The following ADCY9 variants were observed in gnomAD, a reference collection of about 807,000 sequenced individuals.
The protein encoded by ADCY9 is adenylate cyclase 9, also known as adenylate cyclase type 9.
A neutral mutation model predicts 101.5 loss-of-function variants in ADCY9; 50 were observed. The ratio of observed to expected loss-of-function variants is 0.49; its 90% CI spans 0.39 to 0.62. The LOEUF is 0.62. Ranked by LOEUF, ADCY9 falls within the 20% of genes least tolerant of loss-of-function variation. The pLI is 0.00. For missense variants in ADCY9, 1,662 were observed against 1,800.4 expected (o/e 0.92, Z 1.39); for synonymous variants, 905 against 769.3 (o/e 1.18, Z -2.92).
chr16:4,000,779 C>A (rs2056324172), intron 3 of ADCY9, among the ~76,000 whole-genome samples: 1 of 151,834 alleles, frequency 6.6e-6, no homozygotes, highest in Admixed American at 6.6e-5. Flanking sequence ...CGATCCGAGT[C>A]AAGAATAGAT....
intron 2 of ADCY9, among the ~76,000 whole-genome samples, chr16:4,024,608 C>CT (rs1315651465): frequency 6.6e-6 from 1 of 152,070 alleles, no homozygotes. Flanking sequence ...TGGCGAATGG[C>CT]TCCGGAGGTG....
rs773308825 is a variant in ADCY9, at chr16:4,115,212, C to A, written c.231G>T (p.Lys77Asn). 7.4e-6 allele frequency: 12 copies of A among 1,613,390 alleles called. No homozygotes were observed. Among genetic ancestry groups the A allele is most frequent in the South Asian group, 4.4e-5 (4 of 91,074 alleles). ...VGGGGRLRRQ[K>N]KLPQLFERAS... ...CCCTCTCGAACAGCTGGGGCAGCTT[C>A]TTCTGCCTGCGCAGCCGGCCTCCGC... Residue 77 changes from lysine (K) to asparagine (N), a missense_variant, in exon 2 of 11, where the codon AAG (lysine) becomes AAT (asparagine). Physicochemically the swap from Lys to Asn is moderately conservative, Grantham distance 94. Coordinates refer to ENST00000294016, the MANE Select transcript of ADCY9 (RefSeq NM_001116.4). This position sits in a 1 kb window ranked among gnomAD's most constrained non-coding sequence, Gnocchi z 6.2.
intron 3 of ADCY9, among the ~76,000 whole-genome samples, chr16:4,003,058 T>TA (rs772586099): frequency 5.3e-5 from 8 of 152,164 alleles, no homozygotes; most frequent in Non-Finnish European, 7.3e-5. Context: ...AAGCTGTTTT[T>TA]ATTGATATAT....
intron 2 of ADCY9, among the ~76,000 whole-genome samples, chr16:4,086,388 G>A (rs983356793): frequency 3.3e-5 from 5 of 152,040 alleles, no homozygotes; most frequent in African/African-American, 1.2e-4. Context: ...CCCATGTGAC[G>A]CATGTCAGCC....
In ADCY9 at chr16:4,116,082, G is replaced by T. The variant is rs1445586447; in HGVS notation, c.-436C>A. On this transcript the variant is annotated 5_prime_UTR_variant, in exon 1 of 11. Coordinates refer to ENST00000294016, the MANE Select transcript of ADCY9 (RefSeq NM_001116.4). ...GCCCTGCCCGCGGCGGCGGGCGCTGGGGGTGGGGGCGCCCCGGGCTGCGAG... is the reference window on the plus strand; with the variant it reads ...GCCCTGCCCGCGGCGGCGGGCGCTGTGGGTGGGGGCGCCCCGGGCTGCGAG... 4 of 145,762 alleles carry T rather than the reference G, an allele frequency of 2.7e-5. No homozygotes were observed. Among genetic ancestry groups the T allele is most frequent in the Non-Finnish European group, 6.1e-5 (4 of 65,606 alleles). 9.0% of individuals were successfully genotyped at this position (145,762 alleles called of 1,614,324 possible).
At chr16:4,106,810 G>T (rs2057080360) in intron 2 of ADCY9, among the ~76,000 whole-genome samples, 1 of 152,166 alleles carries the variant, frequency 6.6e-6, no homozygotes, top group Non-Finnish European at 1.5e-5. Flanking sequence ...CCACAGCAAA[G>T]TACATAGGCA....
chr16:3,983,573 G>C (rs1168160471), intron 6 of ADCY9, 133 bp from the exon 7 acceptor site: 2 of 739,160 alleles, frequency 2.7e-6, no homozygotes, highest in Non-Finnish European at 4.5e-6. Flanking sequence ...AAGGCTCTCG[G>C]AGGGCTGTCT....
At position 4,115,444 on chromosome 16, in the gene ADCY9, T is replaced by A. The variant is rs1189565021; in HGVS notation, c.-2A>T. The A allele has an allele frequency of 6.5e-7, 1 of 1,541,748 alleles. No homozygotes were observed. The highest frequency in any genetic ancestry group is 8.7e-7 in the Non-Finnish European group (1 of 1,143,152). On this transcript the variant is annotated 5_prime_UTR_variant, in exon 2 of 11. Coordinates refer to ENST00000294016, the MANE Select transcript of ADCY9 (RefSeq NM_001116.4). The surrounding 1 kb of genome is among the most constrained non-coding windows in gnomAD (Gnocchi z 6.2). ...CTGCTGGTGGGGTGGGGAAGCCATG[T>A]TGTCGAGTCCCGGGGCCTGCCCCGG...
chr16:4,068,941 G>T (rs2056816866), intron 2 of ADCY9, among the ~76,000 whole-genome samples: 1 of 151,944 alleles, frequency 6.6e-6, no homozygotes, highest in African/African-American at 2.4e-5. Context: ...CCACCTAATA[G>T]ATGTTCAAGT....
intron 2 of ADCY9, among the ~76,000 whole-genome samples, chr16:4,011,308 G>C (rs113474770): frequency 0.1 from 15,883 of 152,230 alleles, 916 homozygotes; most frequent in Non-Finnish European, 0.13. Context: ...CCAGGGCTGA[G>C]CCACAGCACC....
intron 2 of ADCY9, among the ~76,000 whole-genome samples, chr16:4,020,604 T>C (rs1310838212): frequency 6.6e-6 from 1 of 151,880 alleles, no homozygotes; most frequent in Non-Finnish European, 1.5e-5. Flanking sequence ...GGTGGATCAC[T>C]TGAGGCCAGG....
rs757900535 is a variant in ADCY9 at position 4,115,261 on chromosome 16, C to T, written c.182G>A (p.Gly61Glu). Residue 61 changes from glycine (G) to glutamate (E), a missense_variant, in exon 2 of 11, where the codon GGG (glycine) becomes GAG (glutamate). This residue lies in a region of ADCY9 where 422 missense variants were observed against 392.0 expected (regional missense o/e 1.08). Coordinates refer to ENST00000294016, the MANE Select transcript of ADCY9 (RefSeq NM_001116.4). The surrounding 1 kb of genome is among the most constrained non-coding windows in gnomAD (Gnocchi z 6.2). Reference protein sequence around the residue: ...SSSCSSSGDSGGVPRRVGGGG... With the variant: ...SSSCSSSGDSEGVPRRVGGGG... ...GCCGCCCACTCGCCGGGGGACGCCCCCGGAGTCCCCAGAGCTGCTGCAGCT... is the reference window on the plus strand; with the variant it reads ...GCCGCCCACTCGCCGGGGGACGCCCTCGGAGTCCCCAGAGCTGCTGCAGCT... 6.2e-7 allele frequency: 1 copy of T among 1,613,552 alleles called. No homozygotes were observed. Among genetic ancestry groups the T allele is most frequent in the Non-Finnish European group, 8.5e-7 (1 of 1,179,726 alleles).
At chr16:4,025,633 G>A (rs1370057662) in intron 2 of ADCY9, among the ~76,000 whole-genome samples, 1 of 152,232 alleles carries the variant, frequency 6.6e-6, no homozygotes, top group East Asian at 1.9e-4. Flanking sequence ...TGGCCCGGGG[G>A]TGTGGCAGGG....
At chr16:4,011,366 C>A (rs2056403246) in intron 2 of ADCY9, among the ~76,000 whole-genome samples, 1 of 152,086 alleles carries the variant, frequency 6.6e-6, no homozygotes, top group Non-Finnish European at 1.5e-5. Flanking sequence ...CATTCTGGGG[C>A]CACGGGCAGC....
At chr16:4,006,349 G>A (rs1006130153) in intron 3 of ADCY9, among the ~76,000 whole-genome samples, 5 of 152,206 alleles carry the variant, frequency 3.3e-5, no homozygotes, top group East Asian at 1.9e-4. Context: ...CAACGACCGC[G>A]ATCCACGAGC....
intron 2 of ADCY9, among the ~76,000 whole-genome samples, chr16:4,105,133 G>A (rs1051846594): frequency 1.3e-5 from 2 of 151,746 alleles, no homozygotes; most frequent in African/African-American, 4.8e-5. Flanking sequence ...TTGCAAAAAT[G>A]TATGGCAGTG....
chr16:4,019,543 C>T (rs1016569263), intron 2 of ADCY9, among the ~76,000 whole-genome samples: 4 of 152,240 alleles, frequency 2.6e-5, no homozygotes, highest in African/African-American at 9.6e-5. Context: ...CGGCCATCAA[C>T]AAACGGAGAG....
chr16:4,100,898 T>TC (rs2057039031), intron 2 of ADCY9, among the ~76,000 whole-genome samples: 1 of 151,994 alleles, frequency 6.6e-6, no homozygotes, highest in Non-Finnish European at 1.5e-5. Context: ...GAGGGCAGGG[T>TC]ACATGACAGC....
chr16:4,001,002 CACACACAT>C (rs1465027317), intron 3 of ADCY9, among the ~76,000 whole-genome samples: 244 of 150,912 alleles, frequency 1.6e-3, no homozygotes, highest in Non-Finnish European at 2.6e-3. Flanking sequence ...CACACACACA[CACACACAT>C]ATATAATTTC....
Sources: allele counts gnomAD v4.1 joint callset (sites outside exome capture counted in the v4.1 genomes callset), GRCh38; gene constraint gnomAD v4.1.1; regional missense constraint gnomAD v4.1.1; non-coding constraint Gnocchi (gnomAD v3.1); transcripts MANE v1.5; gene names NCBI Gene and HGNC (gene_info 2026-07-23, HGNC 2026-07-21).